The following ZBBX variants were observed in gnomAD, a reference collection of about 807,000 sequenced individuals.
ZBBX encodes the protein zinc finger B-box domain containing.
ZBBX carries 101 observed loss-of-function variants against 108.5 expected under a neutral mutation model. The observed-to-expected ratio is 0.93, with a 90% CI of 0.79 to 1.10. ZBBX has a LOEUF of 1.10. ZBBX is among the 50% of genes least tolerant of loss of function. The pLI is 0.00. For synonymous variants in ZBBX, 356 were observed against 323.4 expected (o/e 1.10, Z -1.08); for missense variants, 1,009 against 941.4 (o/e 1.07, Z -0.94).
chr3:167,384,372 C>A (rs1560213860), upstream of ZBBX, among the ~76,000 whole-genome samples: 1 of 152,078 alleles, frequency 6.6e-6, no homozygotes, highest in Non-Finnish European at 1.5e-5. Flanking sequence ...TGGAACAGAG[C>A]TGCTTGTCTC....
chr3:167,388,577 A>T (rs1747992560), intron 1 of ZBBX, among the ~76,000 whole-genome samples: 1 of 152,052 alleles, frequency 6.6e-6, no homozygotes, highest in African/African-American at 2.4e-5. Context: ...GATGGCTACT[A>T]TGACACGATC....
chr3:167,204,450 TC>T, the ZBBX span, among the ~76,000 whole-genome samples: 1 of 143,394 alleles, frequency 7.0e-6, no homozygotes, highest in Non-Finnish European at 1.5e-5. Context: ...GTCCATGTGA[TC>T]TCATTGTTCA....
intron 20 of ZBBX, among the ~76,000 whole-genome samples, chr3:167,260,656 G>A (rs1724342133): frequency 6.6e-6 from 1 of 152,170 alleles, no homozygotes; most frequent in Non-Finnish European, 1.5e-5. Flanking sequence ...TTCTAAAAGT[G>A]TGTCCAAAGT....
intron 20 of ZBBX, among the ~76,000 whole-genome samples, chr3:167,272,388 T>C (rs1475124860): frequency 1.3e-5 from 2 of 152,164 alleles, no homozygotes; most frequent in Admixed American, 6.5e-5. Context: ...CCAGGGATCA[T>C]ATCCTCATCA....
In ZBBX at chr3:167,330,927, T is replaced by C. The variant is rs528238363; in HGVS notation, c.688-2811A>G. On this transcript the variant is annotated intron_variant, in intron 10 of 21. Transcript: ENST00000675490. ...AGAAGAAGAGGCATCATATATCTCT[T>C]CTCTCTCCTCTCTTTCTTTCTCTCT... Among the ~76,000 whole-genome samples the C allele has an allele frequency of 1.1e-4, 5 of 45,202 alleles. No individual in the cohort carries two copies. In the East Asian group the frequency reaches 5.0e-3, roughly 45 times the overall value. 29.7% of individuals were successfully genotyped at this position (45,202 alleles called of 152,430 possible). A position where few individuals can be genotyped will look rare whatever the true frequency, so the allele number is the denominator to read the frequency against.
chr3:167,393,704 G>T (rs186367378), intron 1 of ZBBX, among the ~76,000 whole-genome samples: 23 of 151,916 alleles, frequency 1.5e-4, no homozygotes, highest in Admixed American at 1.5e-3. Context: ...TAAATTATTT[G>T]TCCATAATAG....
intron 19 of ZBBX, among the ~76,000 whole-genome samples, chr3:167,286,002 C>T (rs569354895): frequency 6.6e-6 from 1 of 152,060 alleles, no homozygotes; most frequent in Non-Finnish European, 1.5e-5. Context: ...ATAGCTTTTA[C>T]AAGAAAAATA....
intron 20 of ZBBX, among the ~76,000 whole-genome samples, chr3:167,277,159 A>T (rs1446237840): frequency 2.0e-5 from 3 of 152,158 alleles, no homozygotes; most frequent in East Asian, 3.9e-4. Context: ...TGTAAAGACC[A>T]TCGAGACTAG....
At chr3:167,285,573 T>C (rs1729558719) in intron 19 of ZBBX, among the ~76,000 whole-genome samples, 2 of 152,186 alleles carry the variant, frequency 1.3e-5, no homozygotes, top group African/African-American at 4.8e-5. Context: ...AGAATGTTAT[T>C]GTGTTATCTT....
In ZBBX at chr3:167,334,061, T is replaced by G. The variant is rs570327932; in HGVS notation, c.529-76A>C. On this transcript the variant is annotated intron_variant, in intron 9 of 21. Transcript: ENST00000675490. ...TAATTTATATACATTAACTCATATT[T>G]GTGTTATTCTATGACTCCCAGAATT... 7.1e-6 allele frequency: 7 copies of G among 984,812 alleles called. No homozygotes were observed. The East Asian group carries it at 1.7e-4, about 23-fold the overall frequency. 61.0% of individuals were successfully genotyped at this position (984,812 alleles called of 1,614,324 possible).
intron 1 of ZBBX, among the ~76,000 whole-genome samples, chr3:167,387,382 G>T (rs1747950334): frequency 6.6e-6 from 1 of 151,984 alleles, no homozygotes; most frequent in African/African-American, 2.4e-5. Flanking sequence ...AATAGTTGGG[G>T]CTCAACAAAG....
the ZBBX span, among the ~76,000 whole-genome samples, chr3:167,202,115 C>A: frequency 2.0e-5 from 3 of 152,064 alleles, no homozygotes; most frequent in Non-Finnish European, 4.4e-5. Context: ...AGTAGTCAAT[C>A]TGAGGCATAA....
intron 11 of ZBBX, among the ~76,000 whole-genome samples, chr3:167,326,103 C>A (rs182453407): frequency 6.6e-6 from 1 of 152,088 alleles, no homozygotes; most frequent in Non-Finnish European, 1.5e-5. Context: ...AGATGCCCAT[C>A]ATAATATCTT....
At chr3:167,294,553 G>T (rs2108148595) in intron 18 of ZBBX, among the ~76,000 whole-genome samples, 1 of 152,192 alleles carries the variant, frequency 6.6e-6, no homozygotes, top group African/African-American at 2.4e-5. Context: ...ACTCAAGATA[G>T]GTTAAAGATT....
intron 20 of ZBBX, among the ~76,000 whole-genome samples, chr3:167,256,196 T>C (rs1012161808): frequency 6.6e-6 from 1 of 152,200 alleles, no homozygotes; most frequent in African/African-American, 2.4e-5. Context: ...ATTTTCTTTA[T>C]CCATTCATCT....
At chr3:167,309,450 A>T (rs916970799) in intron 16 of ZBBX, among the ~76,000 whole-genome samples, 1 of 152,166 alleles carries the variant, frequency 6.6e-6, no homozygotes, top group African/African-American at 2.4e-5. Context: ...ACAGACTTCT[A>T]CCTGGACATT....
At chr3:167,339,183 C>T (rs533933888) in intron 9 of ZBBX, among the ~76,000 whole-genome samples, 101 of 152,012 alleles carry the variant, frequency 6.6e-4, no homozygotes, top group Non-Finnish European at 1.3e-3. Flanking sequence ...AGCTTTCTTA[C>T]AACTAAAGCC....
chr3:167,276,409 G>A (rs1433694194), intron 20 of ZBBX, among the ~76,000 whole-genome samples: 1 of 152,216 alleles, frequency 6.6e-6, no homozygotes, highest in Admixed American at 6.5e-5. Flanking sequence ...AGCTGATGGA[G>A]CTGAAAACCA....
At chr3:167,263,032 G>GTT (rs1192290285) in intron 20 of ZBBX, among the ~76,000 whole-genome samples, 30 of 111,042 alleles carry the variant, frequency 2.7e-4, no homozygotes, top group Middle Eastern at 6.0e-3. Context: ...TGCTTTTCTA[G>GTT]TTCTTTTTTT....
Sources: gnomAD v4.1 joint callset for allele counts (sites outside exome capture counted in the v4.1 genomes callset) on GRCh38, gnomAD v4.1.1 for gene constraint, MANE v1.5 for transcripts, NCBI Gene and HGNC (gene_info 2026-07-23, HGNC 2026-07-21) for gene names.